Variants in NELL1 observed in about 807,000 individuals in gnomAD.
NELL1 encodes the protein neural EGFL like 1.
In NELL1, 76 loss-of-function variants were observed where a neutral mutation model predicts 107.4. That is an observed-to-expected ratio of 0.71 (90% confidence interval 0.59 to 0.86). The LOEUF is 0.86. Among genes scored for constraint, NELL1 ranks in the 40% least tolerant of loss-of-function variants. The pLI is 0.00. For synonymous variants in NELL1, 353 were observed against 341.2 expected (o/e 1.03, Z -0.38); for missense variants, 1,024 against 1,005.5 (o/e 1.02, Z -0.25).
chr11:21,074,919 A>AT (rs1854099102), intron 12 of NELL1, among the ~76,000 whole-genome samples: 1 of 152,176 alleles, frequency 6.6e-6, no homozygotes. Context: ...GTAGAGAGAA[A>AT]TTCAGAGAAT....
At chr11:21,103,763 A>T (rs1003626084) in intron 12 of NELL1, among the ~76,000 whole-genome samples, 1 of 152,208 alleles carries the variant, frequency 6.6e-6, no homozygotes, top group Non-Finnish European at 1.5e-5. Context: ...AAGACCATCA[A>T]TGTTTTATGA....
intron 13 of NELL1, among the ~76,000 whole-genome samples, chr11:21,206,777 T>C (rs1857398532): frequency 6.6e-6 from 1 of 152,184 alleles, no homozygotes; most frequent in African/African-American, 2.4e-5. Context: ...AAGAACAACA[T>C]GTTCATACTG....
intron 2 of NELL1, among the ~76,000 whole-genome samples, chr11:20,728,170 T>C: frequency 6.6e-6 from 1 of 152,240 alleles, no homozygotes; most frequent in Non-Finnish European, 1.5e-5. Flanking sequence ...TTTTGCCTGT[T>C]CAGTTGTTTA....
chr11:20,970,315 C>T (rs1484555326), intron 12 of NELL1, among the ~76,000 whole-genome samples: 1 of 152,142 alleles, frequency 6.6e-6, no homozygotes, highest in Non-Finnish European at 1.5e-5. Context: ...AGGAAAGGGT[C>T]AGGCCCAGAG....
intron 15 of NELL1, among the ~76,000 whole-genome samples, chr11:21,414,900 A>G (rs995607531): frequency 9.2e-5 from 14 of 151,990 alleles, no homozygotes; most frequent in Non-Finnish European, 1.9e-4. Flanking sequence ...TACTAGGACA[A>G]TTTCTATCTC....
chr11:21,355,495 A>G (rs1278653081), intron 14 of NELL1, among the ~76,000 whole-genome samples: 2 of 152,196 alleles, frequency 1.3e-5, no homozygotes, highest in Non-Finnish European at 2.9e-5. Context: ...GATACTTCAT[A>G]GAGATTAAGC....
At chr11:21,493,058 G>C (rs1854872456) in intron 15 of NELL1, among the ~76,000 whole-genome samples, 1 of 152,000 alleles carries the variant, frequency 6.6e-6, no homozygotes, top group South Asian at 2.1e-4. Context: ...ACTCCAGTTA[G>C]AATGGCTATT....
intron 2 of NELL1, among the ~76,000 whole-genome samples, chr11:20,705,812 T>C (rs192668226): frequency 2.4e-4 from 36 of 151,332 alleles, no homozygotes; most frequent in Admixed American, 1.1e-3. Context: ...CGCCAACAAA[T>C]TTACAAGAAA....
intron 12 of NELL1, among the ~76,000 whole-genome samples, chr11:21,033,540 A>C (rs1200580820): frequency 6.6e-6 from 1 of 152,106 alleles, no homozygotes; most frequent in Non-Finnish European, 1.5e-5. Context: ...CTCCAGCTGC[A>C]TCCATGTCTT....
intron 14 of NELL1, chr11:21,259,998 G>A (rs942389328): frequency 5.3e-5 from 8 of 151,876 alleles, no homozygotes; most frequent in Admixed American, 4.6e-4. Flanking sequence ...ACTCAGCATA[G>A]TTCTCAATTC....
intron 3 of NELL1, among the ~76,000 whole-genome samples, chr11:20,836,997 T>G (rs1219481346): frequency 6.6e-6 from 1 of 152,100 alleles, no homozygotes; most frequent in Non-Finnish European, 1.5e-5. Flanking sequence ...AGGATGGAAT[T>G]CAGAATGTAA....
intron 12 of NELL1, among the ~76,000 whole-genome samples, chr11:21,092,699 A>G (rs972355951): frequency 1.3e-5 from 2 of 152,210 alleles, no homozygotes; most frequent in African/African-American, 2.4e-5. Context: ...AAAAGGAAAC[A>G]GACAAAATGA....
intron 13 of NELL1, among the ~76,000 whole-genome samples, chr11:21,123,580 G>C (rs993918424): frequency 6.6e-6 from 1 of 152,102 alleles, no homozygotes; most frequent in Non-Finnish European, 1.5e-5. Flanking sequence ...TCTGGAGAAG[G>C]TTCAGGAATT....
chr11:20,808,877 A>C (rs1356726374), intron 3 of NELL1, among the ~76,000 whole-genome samples: 1 of 152,098 alleles, frequency 6.6e-6, no homozygotes. Context: ...TGAGGGAGGG[A>C]TGGGGTCAGC....
chr11:20,685,362 C>T (rs1590203337), intron 2 of NELL1, among the ~76,000 whole-genome samples: 1 of 152,012 alleles, frequency 6.6e-6, no homozygotes, highest in Non-Finnish European at 1.5e-5. Context: ...TTTCCTCAGC[C>T]ACACTAGCCA....
intron 15 of NELL1, among the ~76,000 whole-genome samples, chr11:21,507,989 C>T (rs1855333436): frequency 6.6e-6 from 1 of 151,848 alleles, no homozygotes; most frequent in African/African-American, 2.4e-5. Flanking sequence ...ACCATATTGC[C>T]CAGGCTGGTC....
Position 21,480,667 on chromosome 11 carries a change from G to A in NELL1, c.1646-53707G>A, listed in dbSNP as rs556567725. On this transcript the variant is annotated intron_variant, in intron 15 of 19. Coordinates refer to ENST00000357134, the MANE Select transcript of NELL1 (RefSeq NM_006157.5). ...GTTTGATTTAAGCTCCTCTGCATGT[G>A]CAATGGGAAAGCGACTGCTCTTCCC... 5.0e-4 allele frequency among the ~76,000 whole-genome samples: 76 copies of A among 152,276 alleles called. 2 individuals carry two copies. In the South Asian group the frequency reaches 0.014, roughly 29 times the overall value.
intron 12 of NELL1, among the ~76,000 whole-genome samples, chr11:21,035,649 A>G (rs1853073246): frequency 6.6e-6 from 1 of 152,154 alleles, no homozygotes; most frequent in Non-Finnish European, 1.5e-5. Flanking sequence ...GATTATCTCA[A>G]TAGATGCAGA....
intron 12 of NELL1, among the ~76,000 whole-genome samples, chr11:21,042,182 G>A (rs1447345057): frequency 6.6e-6 from 1 of 151,958 alleles, no homozygotes; most frequent in Non-Finnish European, 1.5e-5. Context: ...AACAAAAATG[G>A]GCATAAAAAT....
Sources: gnomAD v4.1 joint callset for allele counts (sites outside exome capture counted in the v4.1 genomes callset) on GRCh38, gnomAD v4.1.1 for gene constraint, MANE v1.5 for transcripts, NCBI Gene and HGNC (gene_info 2026-07-23, HGNC 2026-07-21) for gene names.